Variants in LDLRAD3 observed in about 807,000 individuals in gnomAD.
LDLRAD3 encodes low density lipoprotein receptor class A domain containing 3, also known as low-density lipoprotein receptor class A domain-containing protein 3.
In LDLRAD3, 20 loss-of-function variants were observed where a neutral mutation model predicts 29.4. That is an observed-to-expected ratio of 0.68 (90% CI 0.48 to 0.99). The LOEUF (loss-of-function observed/expected upper bound fraction) is 0.99, where lower values mean the gene tolerates loss of function less well. Ranked by LOEUF, LDLRAD3 falls within the 50% of genes least tolerant of loss-of-function variation. The pLI, the probability that LDLRAD3 is intolerant of heterozygous loss-of-function variation, is 0.00. For synonymous variants in LDLRAD3, 157 were observed against 192.7 expected, an observed-to-expected ratio of 0.81 and a Z score of 1.53; for missense variants, 420 against 454.3, an observed-to-expected ratio of 0.92 and a Z score of 0.69.
intron 1 of LDLRAD3, among the ~76,000 whole-genome samples, chr11:36,025,678 C>T (rs1008170133): frequency 2.6e-5 from 4 of 151,518 alleles, no homozygotes; most frequent in South Asian, 2.1e-4. Context: ...TGTGAGCCAC[C>T]GCGCCCGGCC....
chr11:36,101,289 C>T (rs955703282), intron 4 of LDLRAD3, among the ~76,000 whole-genome samples: 1 of 152,134 alleles, frequency 6.6e-6, no homozygotes, highest in African/African-American at 2.4e-5. Flanking sequence ...GACCTGTGCC[C>T]GTTTTGCCTC....
At chr11:36,072,321 G>A (rs1418808101) in intron 2 of LDLRAD3, among the ~76,000 whole-genome samples, 3 of 152,232 alleles carry the variant, frequency 2.0e-5, no homozygotes, top group African/African-American at 7.2e-5. Flanking sequence ...TGCAGCCTCT[G>A]TCCAGCTCTT....
At chr11:36,202,388 A>G (rs1855139930) in intron 4 of LDLRAD3, among the ~76,000 whole-genome samples, 1 of 152,148 alleles carries the variant, frequency 6.6e-6, no homozygotes, top group Non-Finnish European at 1.5e-5. Flanking sequence ...CTATAGCAGG[A>G]ATACCCAATA....
At chr11:36,158,398 C>T (rs1854385236) in intron 4 of LDLRAD3, among the ~76,000 whole-genome samples, 1 of 152,152 alleles carries the variant, frequency 6.6e-6, no homozygotes, top group African/African-American at 2.4e-5. Flanking sequence ...ACCCAAGGGT[C>T]CACCTTCAGC....
intron 4 of LDLRAD3, among the ~76,000 whole-genome samples, chr11:36,226,597 A>C (rs902231986): frequency 6.6e-6 from 1 of 152,142 alleles, no homozygotes; most frequent in Non-Finnish European, 1.5e-5. Flanking sequence ...GCGGGGGGGA[A>C]ATTTACCAAT....
chr11:35,954,539 C>T (rs1225649410), intron 1 of LDLRAD3, among the ~76,000 whole-genome samples: 1 of 152,162 alleles, frequency 6.6e-6, no homozygotes, highest in African/African-American at 2.4e-5. Flanking sequence ...TGAAGGGGAT[C>T]ACTAAAGACA....
At chr11:36,136,466 G>A (rs1854005365) in intron 4 of LDLRAD3, among the ~76,000 whole-genome samples, 1 of 152,146 alleles carries the variant, frequency 6.6e-6, no homozygotes, top group South Asian at 2.1e-4. Flanking sequence ...ATCCTTCATG[G>A]CTTGGTGCTG....
rs1008114475 is a variant in LDLRAD3 at position 36,213,634 on chromosome 11, G to C, written c.455-13451G>C. On this transcript the variant is annotated intron_variant, in intron 4 of 5. Coordinates refer to ENST00000315571, the MANE Select transcript of LDLRAD3 (RefSeq NM_174902.4). The surrounding 1 kb of genome is among the most constrained non-coding windows in gnomAD (Gnocchi z 4.1). ...GGTAGGAGGCATGCAGGAGTGAAAT[G>C]GGACCCCCAGGGCCGCTCCCACCCT... Among the ~76,000 whole-genome samples, 1 of 152,178 alleles carries C rather than the reference G, an allele frequency of 6.6e-6. No homozygotes were observed. Among genetic ancestry groups the C allele is most frequent in the African/African-American group, 2.4e-5 (1 of 41,458 alleles).
intron 4 of LDLRAD3, among the ~76,000 whole-genome samples, chr11:36,215,431 T>C (rs1196767084): frequency 6.6e-6 from 1 of 151,904 alleles, no homozygotes; most frequent in Non-Finnish European, 1.5e-5. Context: ...TGGAGGCAGG[T>C]GGAAGGGACA....
chr11:36,076,945 G>C (rs1281822225), intron 2 of LDLRAD3, among the ~76,000 whole-genome samples: 1 of 151,970 alleles, frequency 6.6e-6, no homozygotes, highest in Non-Finnish European at 1.5e-5. Context: ...GTGTGGTGGT[G>C]TTATTTACTA....
intron 4 of LDLRAD3, among the ~76,000 whole-genome samples, chr11:36,150,643 T>TA (rs1392835773): frequency 4.6e-5 from 7 of 151,978 alleles, no homozygotes; most frequent in Non-Finnish European, 8.8e-5. Context: ...TAGTCCCAGC[T>TA]ACTTGGGAGG....
Position 35,999,029 on chromosome 11 carries a change from G to T in LDLRAD3, c.47-37074G>T, listed in dbSNP as rs552129472. Among the ~76,000 whole-genome samples the T allele has an allele frequency of 2.6e-5, 4 of 152,326 alleles. No individual in the cohort carries two copies. The South Asian group carries it at 8.3e-4, about 32-fold the overall frequency. On this transcript the variant is annotated intron_variant, in intron 1 of 5. Coordinates refer to ENST00000315571, the MANE Select transcript of LDLRAD3 (RefSeq NM_174902.4). Reference sequence around the variant, plus strand: ...CCTGACACTGTGTAAAGCCCTGGATGTGTGATAACAATGAAGAGGACATGG... The same window carrying T: ...CCTGACACTGTGTAAAGCCCTGGATTTGTGATAACAATGAAGAGGACATGG...
intron 1 of LDLRAD3, among the ~76,000 whole-genome samples, chr11:35,988,577 A>T (rs907926180): frequency 2.0e-5 from 3 of 150,974 alleles, no homozygotes; most frequent in African/African-American, 7.3e-5. Context: ...ATTAGGTCCC[A>T]CTTGTCAATT....
chr11:36,035,208 C>T (rs571621177), intron 1 of LDLRAD3, among the ~76,000 whole-genome samples: 2 of 147,710 alleles, frequency 1.4e-5, no homozygotes, highest in African/African-American at 5.0e-5. Context: ...TTCCCCAAAA[C>T]TCTTTTACTC....
intron 3 of LDLRAD3, among the ~76,000 whole-genome samples, chr11:36,091,728 T>C (rs1853284172): frequency 6.6e-6 from 1 of 152,176 alleles, no homozygotes; most frequent in Admixed American, 6.5e-5. Context: ...CATTTCTCAG[T>C]GACTGGTAAG....
At chr11:36,041,216 T>C (rs1477756681) in intron 2 of LDLRAD3, among the ~76,000 whole-genome samples, 1 of 152,250 alleles carries the variant, frequency 6.6e-6, no homozygotes, top group Non-Finnish European at 1.5e-5. Context: ...TATTAGAGCT[T>C]CCTCTAGGCC....
intron 4 of LDLRAD3, among the ~76,000 whole-genome samples, chr11:36,187,311 A>C (rs1196040134): frequency 6.6e-6 from 1 of 152,238 alleles, no homozygotes; most frequent in Non-Finnish European, 1.5e-5. Context: ...TGATTTGGTG[A>C]AAATGCAACC....
chr11:35,991,494 A>AT (rs1000850167), intron 1 of LDLRAD3, among the ~76,000 whole-genome samples: 4 of 152,234 alleles, frequency 2.6e-5, no homozygotes, highest in Admixed American at 6.5e-5. Context: ...GGTTTATCAT[A>AT]TTTTTTAGGC....
intron 1 of LDLRAD3, among the ~76,000 whole-genome samples, chr11:35,984,657 G>A (rs367962229): frequency 6.6e-6 from 1 of 152,160 alleles, no homozygotes; most frequent in Admixed American, 6.5e-5. Context: ...GTGAGATGGA[G>A]TTTCGCTCTT....
Sources: gnomAD v4.1 joint callset for allele counts (sites outside exome capture counted in the v4.1 genomes callset) on GRCh38, gnomAD v4.1.1 for gene constraint, Gnocchi (gnomAD v3.1) non-coding constraint, MANE v1.5 for transcripts, NCBI Gene and HGNC (gene_info 2026-07-23, HGNC 2026-07-21) for gene names.